NID2: variants seen among roughly 807,000 people sequenced by gnomAD.
NID2 encodes nidogen-2.
In NID2, 83 loss-of-function variants were observed where a neutral mutation model predicts 145.4. The observed-to-expected ratio is 0.57, with a 90% CI of 0.48 to 0.69. The LOEUF (loss-of-function observed/expected upper bound fraction) is 0.69. NID2 is among the 30% of genes least tolerant of loss of function. NID2 has a pLI of 0.00. For missense variants in NID2, 1,807 were observed against 1,765.7 expected, an observed-to-expected ratio of 1.02 and a Z score of -0.42; for synonymous variants, 739 against 701.3, an observed-to-expected ratio of 1.05 and a Z score of -0.85.
In NID2 at chr14:52,010,941, C is replaced by T; in HGVS notation, c.3657G>A (p.Glu1219=). ...GATCTGTGTAGAAGAGGACCTTGCG[C>T]TCAGAGCCATCCAGCAGGGCGCTCT... ...KIESALLDGS[E]RKVLFYTDLV... is the part of the protein sequence containing the mutation. Residue 1219 remains glutamate, a synonymous_variant, in exon 18 of 22, where the codon GAG becomes GAA. Coordinates refer to ENST00000216286, the MANE Select transcript of NID2 (RefSeq NM_007361.4). 2 of 1,614,114 alleles carry T rather than the reference C, an allele frequency of 1.2e-6. No individual in the cohort carries two copies. The highest frequency in any genetic ancestry group is 1.7e-6 in the Non-Finnish European group (2 of 1,180,044).
intron 6 of NID2, 46 bp from the exon 7 acceptor site, chr14:52,042,396 G>A (rs1242990863): frequency 1.9e-6 from 3 of 1,566,008 alleles, no homozygotes; most frequent in Non-Finnish European, 1.7e-6. Context: ...ATCCTGGCTA[G>A]AGATGGGTGT....
Position 52,012,844 on chromosome 14 carries a change from C to T in NID2, c.3421-1161G>A, listed in dbSNP as rs139650817. ...CCAGCAGATGTGCAAAGCCAACATT[C>T]AGGGGTTAGCTGGCTGTCCCTGAGG... On this transcript the variant is annotated intron_variant, in intron 16 of 21. Coordinates refer to ENST00000216286, the MANE Select transcript of NID2 (RefSeq NM_007361.4). Among the ~76,000 whole-genome samples the T allele has an allele frequency of 1.5e-3, 225 of 152,324 alleles. 7 individuals are homozygous for T. Among genetic ancestry groups the T allele is most frequent in the Admixed American group, 0.014 (210 of 15,308 alleles).
intron 20 of NID2, 60 bp from the exon 21 acceptor site, chr14:52,005,909 TCAGC>T (rs1890760453): frequency 9.2e-7 from 1 of 1,088,244 alleles, no homozygotes; most frequent in African/African-American, 1.7e-5. Flanking sequence ...AAGAAGTCAG[TCAGC>T]CACAGAAAAT....
chr14:52,024,113 A>C (rs982135006), intron 12 of NID2, among the ~76,000 whole-genome samples: 1 of 152,238 alleles, frequency 6.6e-6, no homozygotes, highest in Non-Finnish European at 1.5e-5. Context: ...ATGACCATTC[A>C]TTCTCTACTA....
intron 5 of NID2, among the ~76,000 whole-genome samples, chr14:52,048,195 G>T (rs1447554059): frequency 6.6e-6 from 1 of 152,176 alleles, no homozygotes; most frequent in Non-Finnish European, 1.5e-5. Context: ...CTGAGAAGCT[G>T]AGCTCAGTGC....
intron 14 of NID2, among the ~76,000 whole-genome samples, chr14:52,016,733 C>G (rs1460796686): frequency 6.6e-6 from 1 of 152,180 alleles, no homozygotes; most frequent in Non-Finnish European, 1.5e-5. Flanking sequence ...TAGCAGCAGC[C>G]AGAATGGCCC....
At chr14:52,009,311 T>C (rs559796408) in intron 18 of NID2, 1 of 152,294 alleles carries the variant, frequency 6.6e-6, no homozygotes, top group African/African-American at 2.4e-5. Flanking sequence ...TCAACAACAA[T>C]AAGTCTGAAA....
intron 9 of NID2, among the ~76,000 whole-genome samples, chr14:52,037,531 T>A (rs1238204461): frequency 6.6e-6 from 1 of 152,228 alleles, no homozygotes; most frequent in Admixed American, 6.5e-5. Context: ...TTTACATGTA[T>A]CCTTACGCCA....
chr14:52,040,502 T>C (rs755203025), intron 8 of NID2, 149 bp downstream of exon 8: 63 of 666,674 alleles, frequency 9.4e-5, no homozygotes, highest in Non-Finnish European at 1.6e-4. Context: ...TATTTCATGG[T>C]AACAATAAGA....
At chr14:52,006,164 A>AATAC (rs1890773279) in intron 20 of NID2, 1 of 406,180 alleles carries the variant, frequency 2.5e-6, no homozygotes, top group Non-Finnish European at 4.6e-6. Context: ...CCCTCAGACA[A>AATAC]TATGTCCACA....
chr14:52,008,169 G>A (rs927884733), intron 18 of NID2: 10 of 458,960 alleles, frequency 2.2e-5, no homozygotes, highest in South Asian at 4.0e-5. Flanking sequence ...GCCGATATTC[G>A]GTCTCAAAAA....
chr14:52,067,835 G>A, intron 2 of NID2, 23 bp downstream of exon 2: 1 of 1,610,450 alleles, frequency 6.2e-7, no homozygotes, highest in Non-Finnish European at 8.5e-7. Context: ...TTCCTCAGCA[G>A]TCAAATATCC....
chr14:52,020,314 A>C (rs1409049837), intron 12 of NID2, 136 bp from the exon 13 acceptor site: 1 of 1,435,272 alleles, frequency 7.0e-7, no homozygotes, highest in African/African-American at 1.4e-5. Context: ...TTTGAGCATG[A>C]GCAGAAAAAT....
chr14:52,008,162 G>A lies in NID2; in HGVS notation c.3723-195C>T, dbSNP rs146857113. ...GCAGAAGTGATAGGCTATCACTGCC[G>A]ATATTCGGTCTCAAAAAACTGGTTT... On this transcript the variant is annotated intron_variant, in intron 18 of 21. Coordinates refer to ENST00000216286, the MANE Select transcript of NID2 (RefSeq NM_007361.4). The A allele has an allele frequency of 6.6e-5, 31 of 468,546 alleles. No homozygotes were observed. The South Asian group carries it at 8.4e-4, about 13-fold the overall frequency. The allele number at this position is 468,546 out of a possible 1,614,324, so 29.0% of individuals were successfully genotyped here. A position where few individuals can be genotyped will look rare whatever the true frequency, so the allele number is the denominator to read the frequency against.
At chr14:52,040,156 G>C (rs1231167343) in intron 8 of NID2, among the ~76,000 whole-genome samples, 1 of 151,940 alleles carries the variant, frequency 6.6e-6, no homozygotes, top group Non-Finnish European at 1.5e-5. Flanking sequence ...GGCCAGGCTG[G>C]TCTTGAACTC....
intron 12 of NID2, among the ~76,000 whole-genome samples, chr14:52,023,027 C>G (rs1291927867): frequency 6.6e-6 from 1 of 152,200 alleles, no homozygotes; most frequent in African/African-American, 2.4e-5. Flanking sequence ...CACTCCAGAC[C>G]TGTAAGTGTA....
intron 6 of NID2, 80 bp from the exon 7 acceptor site, chr14:52,042,430 AC>A: frequency 1.4e-6 from 2 of 1,478,134 alleles, no homozygotes; most frequent in Non-Finnish European, 1.8e-6. Flanking sequence ...TATTCCACTG[AC>A]AACTTCCAAA....
intron 3 of NID2, among the ~76,000 whole-genome samples, chr14:52,058,794 T>C (rs1411477384): frequency 6.6e-6 from 1 of 152,086 alleles, no homozygotes; most frequent in African/African-American, 2.4e-5. Context: ...GAAATCTTTG[T>C]ATTCCATGTG....
In NID2 at chr14:52,054,137, A is replaced by G. The variant is rs368383323; in HGVS notation, c.952T>C (p.Tyr318His). 7 of 1,614,026 alleles carry G rather than the reference A, an allele frequency of 4.3e-6. No individual in the cohort carries two copies. Among genetic ancestry groups the G allele is most frequent in the Non-Finnish European group, 5.9e-6 (7 of 1,180,030 alleles). ...SDYNEDNLDY[Y>H]DVNEEEAEYL... ...TCAGCTTCCTCCTCATTCACATCAT[A>G]GTAATCCAAATTGTCCTCATTATAG... is the stretch of plus-strand genomic sequence containing the variant. The change falls in exon 4 of 22, where the codon TAT becomes CAT. Residue 318 changes from tyrosine (Y) to histidine (H), a missense_variant. Tyr to His is a moderately conservative substitution (Grantham distance 83). Coordinates refer to ENST00000216286, the MANE Select transcript of NID2 (RefSeq NM_007361.4).
Sources: gnomAD v4.1 joint callset for allele counts (sites outside exome capture counted in the v4.1 genomes callset) on GRCh38, gnomAD v4.1.1 for gene constraint, MANE v1.5 for transcripts, NCBI Gene and HGNC (gene_info 2026-07-23, HGNC 2026-07-21) for gene names.